The following COL4A5 variants were observed in gnomAD, a reference collection of about 807,000 sequenced individuals.
The protein encoded by COL4A5 is collagen type IV alpha 5 chain, also known as collagen alpha-5(IV) chain.
A neutral mutation model predicts 130.2 loss-of-function variants in COL4A5; 26 were observed. The observed-to-expected ratio is 0.20, with a 90% confidence interval of 0.15 to 0.28. COL4A5 has a LOEUF of 0.28. COL4A5 is among the 10% of genes least tolerant of loss of function. The pLI is 1.00. For missense variants in COL4A5, 1,131 were observed against 1,344.3 expected (o/e 0.84, Z 2.48); for synonymous variants, 496 against 439.6 (o/e 1.13, Z -1.60).
chrX:108,695,842 A>G, intron 52 of COL4A5: 1 of 239,903 alleles, frequency 4.2e-6, no homozygotes, highest in Non-Finnish European at 7.5e-6. Flanking sequence ...TGAATGAGCA[A>G]GACATACGTA....
rs1436075755 is a variant in COL4A5 at position 108,604,944 on chromosome X, C to G, written c.2245-1798C>G. On this transcript the variant is annotated intron_variant, in intron 28 of 52. Coordinates refer to ENST00000328300, the MANE Select transcript of COL4A5 (RefSeq NM_033380.3). ...TTCTGCAGCTTCTTCACCTCTCAGT[C>G]TTCAGATAATTGAAGTTAGGGCCTT... Among the ~76,000 whole-genome samples the G allele has an allele frequency of 4.5e-5, 5 of 112,122 alleles. No individual in the cohort carries two copies. The East Asian group carries it at 8.4e-4, about 19-fold the overall frequency.
intron 2 of COL4A5, among the ~76,000 whole-genome samples, chrX:108,553,146 A>AG (rs979419565): frequency 1.8e-5 from 2 of 111,672 alleles, no homozygotes; most frequent in Non-Finnish European, 3.8e-5. Context: ...GAGGAAACAA[A>AG]GGGGAAAATC....
intron 13 of COL4A5, among the ~76,000 whole-genome samples, chrX:108,579,930 A>G (rs2066213769): frequency 8.9e-6 from 1 of 111,739 alleles, no homozygotes; most frequent in Admixed American, 9.5e-5. Context: ...TGGCTTGTAT[A>G]TAGACAAAAA....
At chrX:108,662,781 G>A (rs948516604) in intron 37 of COL4A5, among the ~76,000 whole-genome samples, 2 of 111,875 alleles carry the variant, frequency 1.8e-5, no homozygotes, top group Admixed American at 9.5e-5. Flanking sequence ...TGGCCATACT[G>A]CCCAAAGTAA....
chrX:108,591,055 T>C lies in COL4A5; in HGVS notation c.1166-3T>C, dbSNP rs1359719084. 2 of 1,207,425 alleles carry C rather than the reference T, an allele frequency of 1.7e-6. No individual in the cohort carries two copies. The highest frequency in any genetic ancestry group is 3.5e-5 in the African/African-American group (2 of 57,162). ...TCATTTTGATCACTTTTTTGAATCT[T>C]AGGGGCTGCAGTTATGGGTCCTCCT... On this transcript the variant is annotated splice_polypyrimidine_tract_variant and splice_region_variant and intron_variant, in intron 19 of 52. Transcript: ENST00000328300.
At chrX:108,456,182 T>C (rs1040590166) in intron 1 of COL4A5, among the ~76,000 whole-genome samples, 1 of 111,942 alleles carries the variant, frequency 8.9e-6, no homozygotes, top group African/African-American at 3.2e-5. Flanking sequence ...AATTTCTTCC[T>C]ATATGAATAA....
At chrX:108,464,985 C>T (rs754799902) in intron 1 of COL4A5, among the ~76,000 whole-genome samples, 2 of 112,101 alleles carry the variant, frequency 1.8e-5, no homozygotes, top group East Asian at 2.8e-4. Context: ...CAAATGTGCA[C>T]ACCCACAACA....
intron 49 of COL4A5, among the ~76,000 whole-genome samples, chrX:108,689,160 T>C (rs1192672777): frequency 1.8e-5 from 2 of 111,724 alleles, no homozygotes; most frequent in Admixed American, 9.6e-5. Context: ...AATTTTATAA[T>C]TGACCAATCT....
At chrX:108,566,612 G>C (rs1569488082) in intron 4 of COL4A5, among the ~76,000 whole-genome samples, 1 of 109,202 alleles carries the variant, frequency 9.2e-6, no homozygotes, top group Non-Finnish European at 1.9e-5. Flanking sequence ...GCAGTGGCGC[G>C]ATCTTGGCTC....
In COL4A5 at chrX:108,626,616, C is replaced by G. The variant is rs2067159161; in HGVS notation, c.3246+267C>G. On this transcript the variant is annotated intron_variant, in intron 36 of 52. Transcript: ENST00000328300. ...GGATATACTTCAATAATCTCAATGCCTAGATTTTTCTGGTCTTGTTAGTCC... is the reference window on the plus strand; with the variant it reads ...GGATATACTTCAATAATCTCAATGCGTAGATTTTTCTGGTCTTGTTAGTCC... 3.7e-6 allele frequency: 4 copies of G among 1,074,706 alleles called. No individual in the cohort carries two copies. The African/African-American group carries it at 7.5e-5, about 20-fold the overall frequency. The allele number at this position is 1,074,706 out of a possible 1,213,427, so 88.6% of individuals were successfully genotyped here.
At chrX:108,523,638 G>A (rs1377077711) in intron 1 of COL4A5, among the ~76,000 whole-genome samples, 5 of 111,672 alleles carry the variant, frequency 4.5e-5, no homozygotes, top group Admixed American at 3.8e-4. Context: ...CAAAGAGGGC[G>A]GTTGGAATTT....
At chrX:108,465,115 G>A (rs772414949) in intron 1 of COL4A5, among the ~76,000 whole-genome samples, 2 of 111,571 alleles carry the variant, frequency 1.8e-5, no homozygotes. Context: ...GAATATTTGT[G>A]TACAAGTCAT....
chrX:108,671,070 T>C (rs1288058844), intron 42 of COL4A5, among the ~76,000 whole-genome samples: 1 of 110,793 alleles, frequency 9.0e-6, no homozygotes, highest in Non-Finnish European at 1.9e-5. Context: ...CAGCACAGAT[T>C]ACGAGGTTCT....
chrX:108,561,450 A>G (rs932344673), intron 3 of COL4A5, among the ~76,000 whole-genome samples: 1 of 109,752 alleles, frequency 9.1e-6, no homozygotes, highest in Non-Finnish European at 1.9e-5. Context: ...ATAGCATCTC[A>G]ATGTGCATAT....
In COL4A5 at chrX:108,578,525, C is replaced by T. The variant is rs186491944; in HGVS notation, c.780+142C>T. The T allele has an allele frequency of 8.2e-3, 3,973 of 483,040 alleles. 18 individuals carry two copies. Among genetic ancestry groups the T allele is most frequent in the South Asian group, 0.021 (649 of 30,312 alleles). The allele number at this position is 483,040 out of a possible 1,213,427, so 39.8% of individuals were successfully genotyped here. On this transcript the variant is annotated intron_variant, in intron 13 of 52. Coordinates refer to ENST00000328300, the MANE Select transcript of COL4A5 (RefSeq NM_033380.3). ...TAGATATATACAGTTTTTAATTTGTCAGTTATACCTCAATAAAGCTGAAAA... is the reference window on the plus strand; with the variant it reads ...TAGATATATACAGTTTTTAATTTGTTAGTTATACCTCAATAAAGCTGAAAA...
chrX:108,638,327 T>G (rs1233877571), intron 36 of COL4A5, among the ~76,000 whole-genome samples: 1 of 111,077 alleles, frequency 9.0e-6, no homozygotes, highest in Non-Finnish European at 1.9e-5. Context: ...AAATCCCACA[T>G]GATCACTTAA....
At chrX:108,550,090 G>GA (rs1785444951) in intron 2 of COL4A5, among the ~76,000 whole-genome samples, 2 of 111,634 alleles carry the variant, frequency 1.8e-5, no homozygotes, top group Admixed American at 1.9e-4. Flanking sequence ...TGAATTCTAT[G>GA]AAACATTTTT....
At chrX:108,532,544 C>T (rs2065398121) in intron 1 of COL4A5, among the ~76,000 whole-genome samples, 1 of 111,541 alleles carries the variant, frequency 9.0e-6, no homozygotes, top group Non-Finnish European at 1.9e-5. Flanking sequence ...ACTTTCACCA[C>T]TCCTATTCAA....
At chrX:108,497,795 T>C (rs1390779746) in intron 1 of COL4A5, among the ~76,000 whole-genome samples, 1 of 111,748 alleles carries the variant, frequency 8.9e-6, no homozygotes, top group Non-Finnish European at 1.9e-5. Context: ...GAAACCTGCT[T>C]GACTTTTTTC....
Sources: gnomAD v4.1 joint callset for allele counts (sites outside exome capture counted in the v4.1 genomes callset) on GRCh38, gnomAD v4.1.1 for gene constraint, MANE v1.5 for transcripts, NCBI Gene and HGNC (gene_info 2026-07-23, HGNC 2026-07-21) for gene names.